Variants in BLTP1 observed in about 807,000 individuals in gnomAD.
The protein encoded by BLTP1 is bridge-like lipid transfer protein family member 1, also known as fragile site-associated protein.
At chr4:122,199,412 A>C in the BLTP1 span, 1 of 1,613,784 alleles carries the variant, frequency 6.2e-7, no homozygotes, top group Admixed American at 1.7e-5. Flanking sequence ...CACTACCAGC[A>C]TGCAATATCG....
the BLTP1 span, chr4:122,251,198 C>T: frequency 6.8e-6 from 6 of 876,476 alleles, no homozygotes; most frequent in South Asian, 5.3e-5. Flanking sequence ...GACCTTGCAG[C>T]GTTGTGAAGA....
chr4:122,254,269 G>A, the BLTP1 span: 1 of 1,613,314 alleles, frequency 6.2e-7, no homozygotes, highest in East Asian at 2.2e-5. Flanking sequence ...CATGTAGCAT[G>A]AAGTTGACCA....
At chr4:122,277,429 G>T in the BLTP1 span, 1 of 981,486 alleles carries the variant, frequency 1.0e-6, no homozygotes, top group Non-Finnish European at 1.2e-6. Flanking sequence ...TATCCTATCT[G>T]TGGAATTCCA....
the BLTP1 span, chr4:122,262,984 G>T: frequency 6.2e-7 from 1 of 1,612,692 alleles, no homozygotes; most frequent in African/African-American, 1.3e-5. Context: ...ACGAGAACAG[G>T]TACGTCCTCT....
chr4:122,224,577 T>G, the BLTP1 span: 1 of 1,614,086 alleles, frequency 6.2e-7, no homozygotes, highest in Non-Finnish European at 8.5e-7. Context: ...CACGCTATGT[T>G]CTCAGCAGAA....
chr4:122,324,310 C>T, the BLTP1 span: 2,911 of 1,040,788 alleles, frequency 2.8e-3, 73 homozygotes, highest in African/African-American at 0.043. Context: ...TGTTAAGTAA[C>T]ATTAAAGTCC....
the BLTP1 span, chr4:122,347,303 A>G: frequency 1.1e-6 from 1 of 919,752 alleles, no homozygotes; most frequent in Non-Finnish European, 1.3e-6. Flanking sequence ...CTCACCTGTA[A>G]ACTGAGACCA....
the BLTP1 span, chr4:122,210,049 A>G: frequency 1.5e-6 from 2 of 1,362,736 alleles, no homozygotes; most frequent in Non-Finnish European, 9.6e-7. Flanking sequence ...ATAGTCTTAC[A>G]TATTTTAGAT....
At chr4:122,331,717 A>G in the BLTP1 span, 2 of 979,702 alleles carry the variant, frequency 2.0e-6, no homozygotes, top group African/African-American at 1.7e-5. Context: ...AAACAAGTGC[A>G]TAATATTTTC....
chr4:122,349,382 G>A, the BLTP1 span: 1 of 1,557,486 alleles, frequency 6.4e-7, no homozygotes, highest in Non-Finnish European at 8.7e-7. The surrounding 1 kb of genome is among the most constrained non-coding windows in gnomAD (Gnocchi z 4.5). Context: ...AAATGCTTTT[G>A]GAGATGGATT....
chr4:122,289,963 G>A, the BLTP1 span: 8 of 219,570 alleles, frequency 3.6e-5, no homozygotes, highest in South Asian at 1.3e-3. Flanking sequence ...AGAAGAAGTC[G>A]TATCCCAAAA....
the BLTP1 span, among the ~76,000 whole-genome samples, chr4:122,180,690 C>T: frequency 2.6e-5 from 4 of 152,246 alleles, no homozygotes; most frequent in South Asian, 4.1e-4. Context: ...AAAAAAGATA[C>T]GTATTTAATT....
At chr4:122,269,662 G>A in the BLTP1 span, 1 of 985,172 alleles carries the variant, frequency 1.0e-6, no homozygotes, top group Non-Finnish European at 1.2e-6. Flanking sequence ...TCATTCTGCT[G>A]ATTGTTGTAT....
chr4:122,159,462 A>C, the BLTP1 span, among the ~76,000 whole-genome samples: 128 of 125,460 alleles, frequency 1.0e-3, no homozygotes, highest in African/African-American at 4.8e-3. Flanking sequence ...ACTCTGTCCC[A>C]AAAAAAAAAA....
At chr4:122,175,950 A>G in the BLTP1 span, 238 of 982,796 alleles carry the variant, frequency 2.4e-4, 8 homozygotes, top group East Asian at 1.6e-3. Context: ...AAAATGTTCA[A>G]TCATATAATC....
chr4:122,313,132 A>AT, the BLTP1 span, among the ~76,000 whole-genome samples: 1 of 151,962 alleles, frequency 6.6e-6, no homozygotes. Flanking sequence ...GCCTTCAGCC[A>AT]TTTTTTTTCT....
chr4:122,354,770 G>C, the BLTP1 span, among the ~76,000 whole-genome samples: 6 of 151,046 alleles, frequency 4.0e-5, no homozygotes, highest in African/African-American at 1.5e-4. Context: ...GGGTTCAAGC[G>C]ATTCTCCTGC....
At chr4:122,294,367 G>A in the BLTP1 span, among the ~76,000 whole-genome samples, 1 of 152,194 alleles carries the variant, frequency 6.6e-6, no homozygotes, top group Non-Finnish European at 1.5e-5. Context: ...CCAGCATTAG[G>A]TCGGTACCTG....
the BLTP1 span, among the ~76,000 whole-genome samples, chr4:122,240,614 A>G: frequency 2.0e-5 from 3 of 152,188 alleles, no homozygotes; most frequent in African/African-American, 7.2e-5. Context: ...TTATACTCTA[A>G]GATTAGGATC....
Sources: gnomAD v4.1 joint callset for allele counts (sites outside exome capture counted in the v4.1 genomes callset) on GRCh38, gnomAD v4.1.1 for gene constraint, Gnocchi (gnomAD v3.1) non-coding constraint, MANE v1.5 for transcripts, NCBI Gene and HGNC (gene_info 2026-07-23, HGNC 2026-07-21) for gene names.